Variants in PHEX observed in about 807,000 individuals in gnomAD.
PHEX encodes phosphate-regulating neutral endopeptidase PHEX.
A neutral mutation model predicts 68.0 loss-of-function variants in PHEX; 16 were observed. That is an observed-to-expected ratio of 0.24 (90% confidence interval 0.16 to 0.36). The LOEUF is 0.36. Ranked by LOEUF, PHEX falls within the 10% of genes least tolerant of loss-of-function variation. The pLI is 1.00. For synonymous variants in PHEX, 208 were observed against 205.1 expected (o/e 1.01, Z -0.12); for missense variants, 480 against 575.5 (o/e 0.83, Z 1.70).
intron 15 of PHEX, among the ~76,000 whole-genome samples, chrX:22,201,885 A>C (rs908196127): frequency 1.8e-5 from 2 of 111,347 alleles, no homozygotes; most frequent in African/African-American, 6.5e-5. Context: ...CAGCCATGGG[A>C]ACAGGAGACA....
At position 22,248,077 on chromosome X, in the gene PHEX, G is replaced by T. The variant is rs991771621; in HGVS notation, c.*124G>T. 1 of 537,769 alleles carries T rather than the reference G, an allele frequency of 1.9e-6. No individual in the cohort carries two copies. The allele number at this position is 537,769 out of a possible 1,213,427, so 44.3% of individuals were successfully genotyped here. Reference sequence around the variant, plus strand: ...ATTTTTAGTGCATTTTCATTATTTGGGTAGGTGACCTGCTTGGATCTAGAC... The same window carrying T: ...ATTTTTAGTGCATTTTCATTATTTGTGTAGGTGACCTGCTTGGATCTAGAC... On this transcript the variant is annotated 3_prime_UTR_variant, in exon 22 of 22. Transcript: ENST00000379374.
intron 20 of PHEX, among the ~76,000 whole-genome samples, chrX:22,244,339 C>T (rs766805078): frequency 1.5e-4 from 17 of 110,629 alleles, no homozygotes; most frequent in Admixed American, 1.1e-3. Context: ...ATGTAGATGA[C>T]GGGTTGACGG....
chrX:22,213,367 T>A (rs773973224), intron 16 of PHEX, among the ~76,000 whole-genome samples: 1 of 111,617 alleles, frequency 9.0e-6, no homozygotes, highest in Non-Finnish European at 1.9e-5. Flanking sequence ...AAATGGTATA[T>A]GAAAGGAAGT....
intron 15 of PHEX, among the ~76,000 whole-genome samples, chrX:22,211,348 T>G (rs939808766): frequency 2.7e-5 from 3 of 112,257 alleles, no homozygotes; most frequent in Non-Finnish European, 5.6e-5. Flanking sequence ...CAACTTGTCA[T>G]GGTATTGTTT....
chrX:22,221,698 G>A lies in PHEX; in HGVS notation c.1854G>A (p.Met618Ile). The part of the protein sequence containing the change: ...EEKFKEKTKC[M>I]INQYSNYYWK... ...AGTTTAAGGAAAAAACAAAATGCAT[G>A]ATTAACCAGTATAGCAACTATTATT... The change falls in exon 18 of 22, where the codon ATG becomes ATA. Residue 618 changes from methionine to isoleucine, a missense_variant. Coordinates refer to ENST00000379374, the MANE Select transcript of PHEX (RefSeq NM_000444.6). 1 of 1,204,434 alleles carries A rather than the reference G, an allele frequency of 8.3e-7. No individual in the cohort carries two copies.
chrX:22,138,223 T>A (rs1350104543), intron 12 of PHEX, among the ~76,000 whole-genome samples: 1 of 113,001 alleles, frequency 8.8e-6, no homozygotes, highest in Non-Finnish European at 1.9e-5. Flanking sequence ...CAGTGCTTCC[T>A]TGCCTGTAAG....
intron 12 of PHEX, among the ~76,000 whole-genome samples, chrX:22,150,736 G>A (rs1004919662): frequency 2.7e-4 from 30 of 112,167 alleles, no homozygotes; most frequent in African/African-American, 8.4e-4. Context: ...CTGAATCTTA[G>A]GTAAGAATTA....
chrX:22,214,320 G>T (rs1935017515), intron 16 of PHEX, among the ~76,000 whole-genome samples: 1 of 111,756 alleles, frequency 8.9e-6, no homozygotes, highest in Non-Finnish European at 1.9e-5. Context: ...TGATTACACT[G>T]GTACCATTCA....
At chrX:22,210,336 C>T (rs1415783932) in intron 15 of PHEX, among the ~76,000 whole-genome samples, 1 of 112,039 alleles carries the variant, frequency 8.9e-6, no homozygotes, top group Non-Finnish European at 1.9e-5. Context: ...GCAAAAGTGA[C>T]AGACATAGAG....
chrX:22,185,756 GTTTT>G (rs3085228), intron 14 of PHEX, among the ~76,000 whole-genome samples: 19,689 of 87,653 alleles, frequency 0.22, 1,828 homozygotes, highest in Middle Eastern at 0.27. Context: ...CTCGTTTGTG[GTTTT>G]TTTTTTTTTT....
chrX:22,218,799 C>G (rs1349862764), intron 16 of PHEX, among the ~76,000 whole-genome samples: 2 of 112,075 alleles, frequency 1.8e-5, no homozygotes, highest in Non-Finnish European at 3.8e-5. Flanking sequence ...GAGAGTAGGG[C>G]ACTAAGGTTC....
intron 9 of PHEX, 34 bp from the exon 10 acceptor site, chrX:22,111,433 A>T (rs753212421): frequency 9.3e-7 from 1 of 1,071,976 alleles, no homozygotes; most frequent in East Asian, 3.0e-5. Context: ...ATTGACCTAA[A>T]ATACAATAAA....
At chrX:22,225,376 T>A (rs1479118812) in intron 18 of PHEX, among the ~76,000 whole-genome samples, 3 of 111,621 alleles carry the variant, frequency 2.7e-5, no homozygotes, top group African/African-American at 9.8e-5. Context: ...GCCTGAATCT[T>A]TCTTTCTTCG....
At chrX:22,234,444 C>CA (rs1556174294) in intron 20 of PHEX, among the ~76,000 whole-genome samples, 4 of 105,800 alleles carry the variant, frequency 3.8e-5, no homozygotes, top group African/African-American at 6.8e-5. Context: ...GGGCTGTTGC[C>CA]TTTTTTTTTT....
intron 15 of PHEX, among the ~76,000 whole-genome samples, chrX:22,195,523 A>G (rs1223060871): frequency 5.5e-5 from 6 of 109,740 alleles, no homozygotes; most frequent in African/African-American, 2.0e-4. Flanking sequence ...TGAACCCAAA[A>G]GGCGGAGGTT....
chrX:22,170,928 T>C (rs1933503988), intron 13 of PHEX, among the ~76,000 whole-genome samples: 2 of 112,573 alleles, frequency 1.8e-5, no homozygotes, highest in Admixed American at 1.9e-4. Flanking sequence ...ACCAAGATTT[T>C]TAATCACTTC....
Position 22,069,547 on chromosome X carries a change from T to G in PHEX, c.350-6841T>G, listed in dbSNP as rs757036333. ...CATTTTTGTGTTATTTGGTAACCCA[T>G]GATTTAGAATGATTTAGAGGATTTT... On this transcript the variant is annotated intron_variant, in intron 3 of 21. Coordinates refer to ENST00000379374, the MANE Select transcript of PHEX (RefSeq NM_000444.6). Among the ~76,000 whole-genome samples the G allele has an allele frequency of 1.4e-4, 16 of 112,102 alleles. No individual in the cohort carries two copies. In the Admixed American group the frequency reaches 1.5e-3, roughly 11 times the overall value.
At chrX:22,142,875 G>A (rs12559632) in intron 12 of PHEX, among the ~76,000 whole-genome samples, 28,874 of 111,648 alleles carry the variant, frequency 0.26, 2,777 homozygotes, top group East Asian at 0.45. Flanking sequence ...TGTTTAAAAT[G>A]TGGAAACCTG....
chrX:22,200,605 T>C, intron 15 of PHEX, among the ~76,000 whole-genome samples: 1 of 110,298 alleles, frequency 9.1e-6, no homozygotes, highest in Non-Finnish European at 1.9e-5. Context: ...TGAGACTCTG[T>C]CTCAAAAATA....
Sources: allele counts gnomAD v4.1 joint callset (sites outside exome capture counted in the v4.1 genomes callset), GRCh38; gene constraint gnomAD v4.1.1; transcripts MANE v1.5; gene names NCBI Gene and HGNC (gene_info 2026-07-23, HGNC 2026-07-21).